PCDHA6: variants seen among roughly 807,000 people sequenced by gnomAD.
PCDHA6 encodes protocadherin alpha-6.
A neutral mutation model predicts 60.3 loss-of-function variants in PCDHA6; 55 were observed. The ratio of observed to expected loss-of-function variants is 0.91; its 90% CI spans 0.73 to 1.14. PCDHA6 has a LOEUF of 1.14. Ranked by LOEUF, PCDHA6 falls within the 50% of genes most tolerant of loss-of-function variation. The pLI, the probability that PCDHA6 is intolerant of heterozygous loss-of-function variation, is 0.00. For synonymous variants in PCDHA6, 652 were observed against 557.9 expected (o/e 1.17, Z -2.38); for missense variants, 1,327 against 1,256.5 (o/e 1.06, Z -0.85).
intron 3 of PCDHA6, among the ~76,000 whole-genome samples, chr5:140,990,715 A>T (rs927680875): frequency 1.3e-5 from 2 of 152,194 alleles, no homozygotes; most frequent in Admixed American, 6.5e-5. Flanking sequence ...GGATAAGAGC[A>T]TCACTAGGTA....
intron 1 of PCDHA6, among the ~76,000 whole-genome samples, chr5:140,901,280 T>G (rs1554189719): frequency 1.3e-5 from 2 of 152,132 alleles, no homozygotes. Context: ...CTCAAGAAAT[T>G]TTTGCCCAGA....
rs375652776 is a variant in PCDHA6, at chr5:140,968,862, G to A, written c.2395-10087G>A. The A allele has an allele frequency of 1.9e-5, 31 of 1,614,126 alleles. No individual in the cohort carries two copies. The highest frequency in any genetic ancestry group is 1.5e-4 in the South Asian group (14 of 91,062). The stretch of plus-strand genomic sequence containing the variant: ...ACTCAGAGGCATGTTAAGAGCCCTC[G>A]GACATACTCTGAAATTACCCTTTAT... On this transcript the variant is annotated intron_variant, in intron 1 of 3. Transcript: ENST00000529310.
At chr5:140,873,161 C>G (rs946054760) in intron 1 of PCDHA6, among the ~76,000 whole-genome samples, 2 of 152,012 alleles carry the variant, frequency 1.3e-5, no homozygotes, top group South Asian at 2.1e-4. Context: ...GACTTTAGAT[C>G]GAGAGCTTTT....
At position 140,928,189 on chromosome 5, in the gene PCDHA6, G is replaced by GTGA. The variant is rs1321549982; in HGVS notation, c.2395-50758_2395-50757insATG. On this transcript the variant is annotated intron_variant, in intron 1 of 3. Transcript: ENST00000529310. The stretch of plus-strand genomic sequence containing the variant: ...ACTTAGCACCCGAAGGACAATCACT[G>GTGA]TGTCAGTTGCTGATGTGAATGACAA... 5 of 1,614,096 alleles carry GTGA rather than the reference G, an allele frequency of 3.1e-6. No homozygotes were observed. In the East Asian group the frequency reaches 8.9e-5, roughly 29 times the overall value.
chr5:140,875,810 C>T, intron 1 of PCDHA6: 1 of 1,614,106 alleles, frequency 6.2e-7, no homozygotes, highest in Non-Finnish European at 8.5e-7. Context: ...GTGGACAGGC[C>T]GCTGCAGGTT....
intron 1 of PCDHA6, chr5:140,884,416 G>T (rs1035372416): frequency 1.2e-6 from 2 of 1,614,006 alleles, no homozygotes; most frequent in East Asian, 4.5e-5. Flanking sequence ...TCACGTTGCT[G>T]CTGTATACTG....
intron 1 of PCDHA6, chr5:140,848,930 C>G: frequency 1.2e-6 from 2 of 1,607,642 alleles, no homozygotes; most frequent in Non-Finnish European, 1.7e-6. Flanking sequence ...TCGCGGAATC[C>G]AGGCCGCTTG....
intron 1 of PCDHA6, chr5:140,883,347 G>A (rs782384832): frequency 3.7e-6 from 6 of 1,614,046 alleles, no homozygotes; most frequent in African/African-American, 1.3e-5. Flanking sequence ...CTCCCCATCA[G>A]AGAAGACACT....
intron 1 of PCDHA6, among the ~76,000 whole-genome samples, chr5:140,901,078 T>TAAA (rs1554189579): frequency 6.6e-6 from 1 of 152,120 alleles, no homozygotes; most frequent in East Asian, 1.9e-4. Flanking sequence ...TTCTATAGAG[T>TAAA]TGTTTGAGCT....
chr5:141,008,594 C>A (rs1018305560), intron 3 of PCDHA6, among the ~76,000 whole-genome samples: 1 of 152,214 alleles, frequency 6.6e-6, no homozygotes, highest in African/African-American at 2.4e-5. Context: ...GCAGATTTCA[C>A]CTCCTCTGGA....
rs2150416321 is a variant in PCDHA6 at position 140,848,658 on chromosome 5, G to C, written c.2394+18173G>C. On this transcript the variant is annotated intron_variant, in intron 1 of 3. Coordinates refer to ENST00000529310, the MANE Select transcript of PCDHA6 (RefSeq NM_018909.4). ...CCGCATCGCGCAGGACCTGGGGCTG[G>C]AGCTGGCGGAGCTGGTGCCGCGCCT... The C allele has an allele frequency of 2.5e-6, 4 of 1,592,362 alleles. No homozygotes were observed. The highest frequency in any genetic ancestry group is 4.5e-5 in the East Asian group (2 of 44,824).
intron 1 of PCDHA6, chr5:140,927,810 G>C: frequency 6.2e-7 from 1 of 1,614,200 alleles, no homozygotes. Flanking sequence ...AAACGCTCTT[G>C]GAGGCATACA....
intron 1 of PCDHA6, chr5:140,882,820 C>G (rs782663593): frequency 1.2e-6 from 2 of 1,614,102 alleles, no homozygotes; most frequent in African/African-American, 2.7e-5. Flanking sequence ...ACGCACAAAA[C>G]AGTCTTGAGC....
intron 1 of PCDHA6, chr5:140,859,716 A>T (rs2045984140): frequency 1.3e-5 from 2 of 154,266 alleles, no homozygotes. Flanking sequence ...CACCAAAAAA[A>T]AATTGTGGCA....
rs2150239887 is a variant in PCDHA6 at position 140,835,629 on chromosome 5, G to A, written c.2394+5144G>A. On this transcript the variant is annotated intron_variant, in intron 1 of 3. Coordinates refer to ENST00000529310, the MANE Select transcript of PCDHA6 (RefSeq NM_018909.4). ...GGTGCTGGACAGCGCTCTGGACCGC[G>A]AGAGTGTGTCCGCCTATGAGCTGGT... 7.4e-6 allele frequency: 12 copies of A among 1,613,910 alleles called. 1 individual carries two copies. The East Asian group carries it at 1.3e-4, about 18-fold the overall frequency.
chr5:140,835,793 G>C, intron 1 of PCDHA6: 1 of 1,613,102 alleles, frequency 6.2e-7, no homozygotes, highest in Non-Finnish European at 8.5e-7. Context: ...ACAACCCGCC[G>C]GGCTGCCACA....
At chr5:140,999,033 G>A (rs1029128098) in intron 3 of PCDHA6, among the ~76,000 whole-genome samples, 6 of 152,148 alleles carry the variant, frequency 3.9e-5, no homozygotes, top group African/African-American at 1.4e-4. Context: ...TTGATACTTC[G>A]TCCAGTGTGC....
chr5:140,908,846 T>C (rs2074185614), intron 1 of PCDHA6, among the ~76,000 whole-genome samples: 1 of 152,176 alleles, frequency 6.6e-6, no homozygotes, highest in South Asian at 2.1e-4. Context: ...TGGAGTAACA[T>C]ACCCAAATGA....
chr5:140,874,469 G>C (rs2054929448), intron 1 of PCDHA6, among the ~76,000 whole-genome samples: 1 of 152,212 alleles, frequency 6.6e-6, no homozygotes, highest in Non-Finnish European at 1.5e-5. Flanking sequence ...GGAAGATTTA[G>C]AGAAAAAGCA....
Sources: allele counts gnomAD v4.1 joint callset (sites outside exome capture counted in the v4.1 genomes callset), GRCh38; gene constraint gnomAD v4.1.1; transcripts MANE v1.5; gene names NCBI Gene and HGNC (gene_info 2026-07-23, HGNC 2026-07-21).